Variants in PLEKHG2 observed in about 807,000 individuals in gnomAD.
PLEKHG2 encodes pleckstrin homology and RhoGEF domain containing G2, also known as pleckstrin homology domain-containing family G member 2.
In PLEKHG2, 71 loss-of-function variants were observed where a neutral mutation model predicts 104.4. The ratio of observed to expected loss-of-function variants is 0.68; its 90% CI spans 0.56 to 0.83. PLEKHG2 has a LOEUF of 0.83. PLEKHG2 is among the 40% of genes least tolerant of loss of function. The pLI, the probability that PLEKHG2 is intolerant of heterozygous loss-of-function variation, is 0.00. For synonymous variants in PLEKHG2, 728 were observed against 737.0 expected (o/e 0.99, Z 0.20); for missense variants, 1,730 against 1,809.4 (o/e 0.96, Z 0.80).
chr19:39,423,177 C>G lies in PLEKHG2; in HGVS notation c.2123C>G (p.Thr708Ser), dbSNP rs2146014450. ...PLQEPAEAPA[T>S]RRELFSGSNP... ...CAGGAACCAGCTGAGGCTCCAGCCA[C>G]CAGGAGAGAACTGTTTTCTGGGAGC... is the stretch of plus-strand genomic sequence containing the variant. Residue 708 changes from threonine (T) to serine (S), a missense_variant, in exon 18 of 19, where the codon ACC becomes AGC. Physicochemically the swap from Thr to Ser is moderately conservative, Grantham distance 58. Transcript: ENST00000425673. The G allele has an allele frequency of 6.2e-7, 1 of 1,612,950 alleles. No homozygotes were observed. The highest frequency in any genetic ancestry group is 8.5e-7 in the Non-Finnish European group (1 of 1,179,214).
In PLEKHG2 at chr19:39,426,611, T is replaced by C. The variant is rs1789284423; in HGVS notation, c.*1317T>C. 1 of 152,248 alleles carries C rather than the reference T, an allele frequency of 6.6e-6. No homozygotes were observed. Among genetic ancestry groups the C allele is most frequent in the Admixed American group, 6.6e-5 (1 of 15,266 alleles). 9.4% of individuals were successfully genotyped at this position (152,248 alleles called of 1,614,324 possible). On this transcript the variant is annotated 3_prime_UTR_variant, in exon 19 of 19. Coordinates refer to ENST00000425673, the MANE Select transcript of PLEKHG2 (RefSeq NM_022835.3). ...CTGGCTGTGAATTCAAGTCCCATCT[T>C]TACTTATTTGGTGTGGGTCCTCCCT...
chr19:39,419,027 G>T, intron 11 of PLEKHG2, 24 bp downstream of exon 11: 6 of 1,591,304 alleles, frequency 3.8e-6, no homozygotes, highest in Non-Finnish European at 5.1e-6. Flanking sequence ...CGCAGCCGGG[G>T]GCCCTCTGAG....
rs759953013 is a variant in PLEKHG2 at position 39,418,125 on chromosome 19, G to T, written c.1083+20G>T. 8 of 1,489,148 alleles carry T rather than the reference G, an allele frequency of 5.4e-6. No individual in the cohort carries two copies. In the East Asian group the frequency reaches 1.9e-4, roughly 35 times the overall value. The allele number at this position is 1,489,148 out of a possible 1,614,324, so 92.2% of individuals were successfully genotyped here. A position where few individuals can be genotyped will look rare whatever the true frequency, so the allele number is the denominator to read the frequency against. ...ATCTTCGTGAGTTTGGGGATGGGGT[G>T]GGGCTAGAATACTACCTACAAAGTA... On this transcript the variant is annotated intron_variant, in intron 9 of 18. Transcript: ENST00000425673.
At chr19:39,419,555 G>A (rs776914402) in intron 11 of PLEKHG2, among the ~76,000 whole-genome samples, 47 of 151,638 alleles carry the variant, frequency 3.1e-4, no homozygotes, top group African/African-American at 9.5e-4. Context: ...CAGCCTGACC[G>A]ACATGGAGAA....
In PLEKHG2 at chr19:39,422,135, A is replaced by C; in HGVS notation, c.1524A>C (p.Glu508Asp). 1.2e-6 allele frequency: 2 copies of C among 1,610,388 alleles called. No individual in the cohort carries two copies. Among genetic ancestry groups the C allele is most frequent in the African/African-American group, 1.3e-5 (1 of 74,668 alleles). Residue 508 changes from glutamate (E) to aspartate (D), a missense_variant, in exon 17 of 19, where the codon GAA (glutamate) becomes GAC (aspartate). Physicochemically the swap from Glu to Asp is conservative, Grantham distance 45. Coordinates refer to ENST00000425673, the MANE Select transcript of PLEKHG2 (RefSeq NM_022835.3). ...CACAGCACGCTGGCAGCGAAGGGGA[A>C]CTCTACCCTCCAGAATCTCAGCCAC... ...PGFKHAGSEG[E>D]LYPPESQPPV...
intron 17 of PLEKHG2, 121 bp from the exon 18 acceptor site, chr19:39,422,611 A>C: frequency 7.8e-7 from 1 of 1,281,030 alleles, no homozygotes; most frequent in South Asian, 2.1e-5. Context: ...CTGGTCTCGA[A>C]CTCGTAACCT....
Position 39,416,546 on chromosome 19 carries a change from C to T in PLEKHG2, c.547-5C>T, listed in dbSNP as rs201151591. On this transcript the variant is annotated splice_polypyrimidine_tract_variant and splice_region_variant and intron_variant, in intron 5 of 18. Transcript: ENST00000425673. The surrounding 1 kb of genome is among the most constrained non-coding windows in gnomAD (Gnocchi z 4.5). ...GGGTCTCCCTGACTCCCATGTCACC[C>T]GCAGAGCGAGGATTTTGACATCTAC... 45 of 1,611,258 alleles carry T rather than the reference C, an allele frequency of 2.8e-5. No individual in the cohort carries two copies. The highest frequency in any genetic ancestry group is 6.6e-5 in the South Asian group (6 of 90,930).
Position 39,416,922 on chromosome 19 carries a change from G to A in PLEKHG2, c.666G>A (p.Gln222=), listed in dbSNP as rs1201211438. The A allele has an allele frequency of 8.7e-6, 14 of 1,613,292 alleles. No individual in the cohort carries two copies. Among genetic ancestry groups the A allele is most frequent in the Middle Eastern group, 1.7e-4 (1 of 6,060 alleles). ...TGTGGCTGCAGGAGCGCCAGGCCCA[G>A]CTTCGCCACTCGCTGCCCCTGCAGA... The part of the protein sequence containing the change: ...AALWLQERQA[Q]LRHSLPLQSF... The change falls in exon 7 of 19, where the codon CAG becomes CAA. Residue 222 remains glutamine (Q), a synonymous_variant. Coordinates refer to ENST00000425673, the MANE Select transcript of PLEKHG2 (RefSeq NM_022835.3). This position sits in a 1 kb window ranked among gnomAD's most constrained non-coding sequence, Gnocchi z 4.5.
chr19:39,414,228 G>A lies in PLEKHG2; in HGVS notation c.109+33G>A, dbSNP rs2078565629. 4 of 1,542,674 alleles carry A rather than the reference G, an allele frequency of 2.6e-6. No individual in the cohort carries two copies. The East Asian group carries it at 9.8e-5, about 38-fold the overall frequency. ...TAGAGGCAGGGGCGGCGGAGCCTGT[G>A]GGGCTTTTATTCCTTGGCAATGCTG... On this transcript the variant is annotated intron_variant, in intron 2 of 18. Transcript: ENST00000425673.
Position 39,413,834 on chromosome 19 carries a change from C to T in PLEKHG2, c.-22-231C>T, listed in dbSNP as rs2078558194. On this transcript the variant is annotated intron_variant, in intron 1 of 18. Transcript: ENST00000425673. The surrounding 1 kb of genome is among the most constrained non-coding windows in gnomAD (Gnocchi z 4.5). ...CCCAGACAAACGGGACTCGCAGCTTCTGCGCCTCCTGCTCCGCTCACTCTT... is the reference window on the plus strand; with the variant it reads ...CCCAGACAAACGGGACTCGCAGCTTTTGCGCCTCCTGCTCCGCTCACTCTT... The T allele has an allele frequency of 3.4e-6, 1 of 295,556 alleles. No individual in the cohort carries two copies. The highest frequency in any genetic ancestry group is 2.2e-5 in the African/African-American group (1 of 45,862). The allele number at this position is 295,556 out of a possible 1,614,324, so 18.3% of individuals were successfully genotyped here.
chr19:39,419,372 G>C (rs1191268467), intron 11 of PLEKHG2, among the ~76,000 whole-genome samples: 1 of 152,164 alleles, frequency 6.6e-6, no homozygotes, highest in Non-Finnish European at 1.5e-5. Flanking sequence ...TGATGTGGGA[G>C]GATCATTTAA....
At position 39,425,550 on chromosome 19, in the gene PLEKHG2, A is replaced by T. The variant is rs1207346185; in HGVS notation, c.*256A>T. 1 of 542,580 alleles carries T rather than the reference A, an allele frequency of 1.8e-6. No individual in the cohort carries two copies. Among genetic ancestry groups the T allele is most frequent in the Non-Finnish European group, 3.0e-6 (1 of 335,780 alleles). 33.6% of individuals were successfully genotyped at this position (542,580 alleles called of 1,614,324 possible). Reference sequence around the variant, plus strand: ...ATTTTCCCATTCTGGAGGCTGTGGGAGATGACAAGACAATGAATGGGAAGG... The same window carrying T: ...ATTTTCCCATTCTGGAGGCTGTGGGTGATGACAAGACAATGAATGGGAAGG... On this transcript the variant is annotated 3_prime_UTR_variant, in exon 19 of 19. Coordinates refer to ENST00000425673, the MANE Select transcript of PLEKHG2 (RefSeq NM_022835.3).
At position 39,425,853 on chromosome 19, in the gene PLEKHG2, C is replaced by T. The variant is rs2078776119; in HGVS notation, c.*559C>T. 1 of 155,902 alleles carries T rather than the reference C, an allele frequency of 6.4e-6. No individual in the cohort carries two copies. Among genetic ancestry groups the T allele is most frequent in the Admixed American group, 6.5e-5 (1 of 15,350 alleles). The allele number at this position is 155,902 out of a possible 1,614,324, so 9.7% of individuals were successfully genotyped here. A position where few individuals can be genotyped will look rare whatever the true frequency, so the allele number is the denominator to read the frequency against. ...TATTGCTCCATCTAGCTTTCCCGCT[C>T]CATCTACCCATCTTCCAATCCATCA... On this transcript the variant is annotated 3_prime_UTR_variant, in exon 19 of 19. Coordinates refer to ENST00000425673, the MANE Select transcript of PLEKHG2 (RefSeq NM_022835.3).
At chr19:39,414,925 G>T in intron 2 of PLEKHG2, 67 bp from the exon 3 acceptor site, 6 of 1,479,452 alleles carry the variant, frequency 4.1e-6, no homozygotes, top group Non-Finnish European at 5.4e-6. Context: ...TGGGCTGAAC[G>T]CATGAAAGGC....
Position 39,422,822 on chromosome 19 carries a change from G to C in PLEKHG2, c.1768G>C (p.Asp590His), listed in dbSNP as rs747839397. ...CACATTCCAAGCCCTGCCCAGCCGG[G>C]ACTCTTCAGAAGAGGAGGAGGAGGA... Reference protein sequence around the residue: ...TLTFQALPSRDSSEEEEEEEE... With the variant: ...TLTFQALPSRHSSEEEEEEEE... The change falls in exon 18 of 19, where the codon GAC becomes CAC. Residue 590 changes from aspartate to histidine, a missense_variant. By Grantham distance (81) the Asp-to-His change is moderately conservative. Coordinates refer to ENST00000425673, the MANE Select transcript of PLEKHG2 (RefSeq NM_022835.3). 1.3e-6 allele frequency: 2 copies of C among 1,552,846 alleles called. No individual in the cohort carries two copies. The highest frequency in any genetic ancestry group is 1.2e-5 in the South Asian group (1 of 80,146).
Position 39,413,704 on chromosome 19 carries a change from C to G in PLEKHG2, c.-23+292C>G, listed in dbSNP as rs903434949. ...CATCCGGTCCCCCAGCCTCCGCCCTCCCCTGGGACCCCGCGGCCTCCCGCC... is the reference window on the plus strand; with the variant it reads ...CATCCGGTCCCCCAGCCTCCGCCCTGCCCTGGGACCCCGCGGCCTCCCGCC... On this transcript the variant is annotated intron_variant, in intron 1 of 18. Transcript: ENST00000425673. The surrounding 1 kb of genome is among the most constrained non-coding windows in gnomAD (Gnocchi z 4.5). 1 of 161,256 alleles carries G rather than the reference C, an allele frequency of 6.2e-6. No individual in the cohort carries two copies. The highest frequency in any genetic ancestry group is 2.4e-5 in the African/African-American group (1 of 41,554). 10.0% of individuals were successfully genotyped at this position (161,256 alleles called of 1,614,324 possible).
Position 39,416,743 on chromosome 19 carries a change from GC to G in PLEKHG2, c.594-102del. 6.9e-7 allele frequency: 1 copy of G among 1,454,394 alleles called. No individual in the cohort carries two copies. Among genetic ancestry groups the G allele is most frequent in the South Asian group, 1.3e-5 (1 of 79,410 alleles). 90.1% of individuals were successfully genotyped at this position (1,454,394 alleles called of 1,614,324 possible). The stretch of plus-strand genomic sequence containing the variant: ...TAACTGACCTCTCCCTCACTGCCCC[GC>G]CCCCTGTCAGACCCTGACCCTTCCC... On this transcript the variant is annotated intron_variant, in intron 6 of 18. Coordinates refer to ENST00000425673, the MANE Select transcript of PLEKHG2 (RefSeq NM_022835.3). This position sits in a 1 kb window ranked among gnomAD's most constrained non-coding sequence, Gnocchi z 4.5.
At chr19:39,421,054 A>T (rs777120284) in intron 14 of PLEKHG2, 21 bp from the exon 15 acceptor site, 1 of 1,613,868 alleles carries the variant, frequency 6.2e-7, no homozygotes, top group African/African-American at 1.3e-5. Context: ...GGCTCCTGAC[A>T]TCACTGTGTC....
In PLEKHG2 at chr19:39,424,754, T is replaced by C. The variant is rs142315103; in HGVS notation, c.3621T>C (p.His1207=). The C allele has an allele frequency of 7.9e-5, 128 of 1,614,080 alleles. No individual in the cohort carries two copies. The highest frequency in any genetic ancestry group is 1.0e-4 in the Non-Finnish European group (119 of 1,180,034). The stretch of plus-strand genomic sequence containing the variant: ...AGCAGAAGAGCCTCATAGATGCCCA[T>C]GTTCCAGCTGCCACACCTTTACCTG... The part of the protein sequence containing the change: ...SLEQKSLIDA[H]VPAATPLPER... Residue 1207 remains histidine, a synonymous_variant, in exon 19 of 19, where the codon CAT becomes CAC. Transcript: ENST00000425673.
Sources: allele counts gnomAD v4.1 joint callset (sites outside exome capture counted in the v4.1 genomes callset), GRCh38; gene constraint gnomAD v4.1.1; non-coding constraint Gnocchi (gnomAD v3.1); transcripts MANE v1.5; gene names NCBI Gene and HGNC (gene_info 2026-07-23, HGNC 2026-07-21).